Variants in NAALADL2 observed in about 807,000 individuals in gnomAD.
NAALADL2 encodes N-acetylated alpha-linked acidic dipeptidase like 2, also known as inactive N-acetylated-alpha-linked acidic dipeptidase-like protein 2.
In NAALADL2, 76 loss-of-function variants were observed where a neutral mutation model predicts 87.2. That is an observed-to-expected ratio of 0.87 (90% CI 0.72 to 1.05). NAALADL2 has a LOEUF of 1.05. Ranked by LOEUF, NAALADL2 falls within the 50% of genes least tolerant of loss-of-function variation. The pLI, the probability that NAALADL2 is intolerant of heterozygous loss-of-function variation, is 0.00. For missense variants in NAALADL2, 1,089 were observed against 945.8 expected, an observed-to-expected ratio of 1.15 and a Z score of -1.99; for synonymous variants, 354 against 331.0, an observed-to-expected ratio of 1.07 and a Z score of -0.75.
At chr3:174,812,506 A>G (rs1460440124) in intron 3 of NAALADL2, among the ~76,000 whole-genome samples, 1 of 152,230 alleles carries the variant, frequency 6.6e-6, no homozygotes, top group East Asian at 1.9e-4. Flanking sequence ...TGTATTTAAT[A>G]TACTATACTT....
chr3:175,357,620 T>C (rs1764534133), intron 5 of NAALADL2, among the ~76,000 whole-genome samples: 1 of 152,162 alleles, frequency 6.6e-6, no homozygotes, highest in Non-Finnish European at 1.5e-5. Flanking sequence ...AAATTTCTAA[T>C]ACAATATATG....
chr3:175,790,193 A>C (rs922138581), intron 13 of NAALADL2, among the ~76,000 whole-genome samples: 2 of 151,934 alleles, frequency 1.3e-5, no homozygotes. Flanking sequence ...ATTACTATCA[A>C]TCAATAAAAT....
At chr3:174,999,470 A>G (rs1057042373) in intron 1 of NAALADL2, among the ~76,000 whole-genome samples, 10 of 152,100 alleles carry the variant, frequency 6.6e-5, no homozygotes, top group Non-Finnish European at 1.2e-4. Context: ...GTGTACTCCA[A>G]TTTACTGAAG....
intron 1 of NAALADL2, among the ~76,000 whole-genome samples, chr3:174,944,251 G>A (rs1453883409): frequency 6.6e-6 from 1 of 152,122 alleles, no homozygotes; most frequent in East Asian, 1.9e-4. Flanking sequence ...CGATTAGGAG[G>A]TCCCACCCAG....
At chr3:175,035,130 C>G (rs921086175) in intron 1 of NAALADL2, among the ~76,000 whole-genome samples, 7 of 152,164 alleles carry the variant, frequency 4.6e-5, no homozygotes, top group Non-Finnish European at 1.0e-4. Flanking sequence ...TTGCCATACT[C>G]AACTGGATCT....
intron 2 of NAALADL2, among the ~76,000 whole-genome samples, chr3:175,146,638 C>T (rs990408649): frequency 6.6e-6 from 1 of 152,026 alleles, no homozygotes; most frequent in Admixed American, 6.6e-5. Flanking sequence ...GCTTCAATCA[C>T]ATGAACTAAG....
intron 5 of NAALADL2, among the ~76,000 whole-genome samples, chr3:175,377,112 A>T (rs1767224409): frequency 6.6e-6 from 1 of 152,132 alleles, no homozygotes; most frequent in South Asian, 2.1e-4. Flanking sequence ...CAGGAGTTCA[A>T]ACCCTCCCTG....
At chr3:174,926,972 A>C (rs1055933772) in intron 1 of NAALADL2, among the ~76,000 whole-genome samples, 2 of 151,612 alleles carry the variant, frequency 1.3e-5, no homozygotes, top group African/African-American at 2.4e-5. Flanking sequence ...TCTCACATGC[A>C]GAGACATACA....
At chr3:174,496,165 C>T (rs1039641683) in intron 1 of NAALADL2, among the ~76,000 whole-genome samples, 15 of 152,074 alleles carry the variant, frequency 9.9e-5, no homozygotes, top group African/African-American at 3.1e-4. Flanking sequence ...ATTGAGCATC[C>T]GTCACTATTT....
At chr3:175,593,172 C>G (rs1372885174) in intron 10 of NAALADL2, among the ~76,000 whole-genome samples, 1 of 152,066 alleles carries the variant, frequency 6.6e-6, no homozygotes, top group African/African-American at 2.4e-5. Flanking sequence ...CCACTGCCCC[C>G]TCAAAAGCCC....
intron 5 of NAALADL2, among the ~76,000 whole-genome samples, chr3:175,363,296 A>G (rs1481449663): frequency 6.8e-6 from 1 of 147,478 alleles, no homozygotes; most frequent in African/African-American, 2.5e-5. Flanking sequence ...TGTTTTCTTT[A>G]TGTACAATGT....
chr3:175,244,869 G>C (rs1747672655), intron 3 of NAALADL2, among the ~76,000 whole-genome samples: 1 of 152,084 alleles, frequency 6.6e-6, no homozygotes, highest in Non-Finnish European at 1.5e-5. Flanking sequence ...TGTCAGCATT[G>C]AAAGTTTTCT....
At chr3:174,521,825 G>A (rs763574542) in intron 1 of NAALADL2, among the ~76,000 whole-genome samples, 1 of 152,100 alleles carries the variant, frequency 6.6e-6, no homozygotes, top group African/African-American at 2.4e-5. Flanking sequence ...AAAATTATCT[G>A]CTGGATACAT....
At chr3:174,809,103 A>G (rs995514622) in intron 3 of NAALADL2, among the ~76,000 whole-genome samples, 1 of 152,204 alleles carries the variant, frequency 6.6e-6, no homozygotes, top group African/African-American at 2.4e-5. Context: ...CAAATTAGTA[A>G]TATAAATTTT....
chr3:175,074,321 A>T (rs1716197367), intron 1 of NAALADL2, among the ~76,000 whole-genome samples: 1 of 152,058 alleles, frequency 6.6e-6, no homozygotes, highest in South Asian at 2.1e-4. Flanking sequence ...ATATTTGGTG[A>T]TATGTAAGTT....
chr3:175,374,353 A>G (rs1766853627), intron 5 of NAALADL2, among the ~76,000 whole-genome samples: 1 of 151,616 alleles, frequency 6.6e-6, no homozygotes, highest in Admixed American at 6.6e-5. Context: ...CAGGAGTTCA[A>G]GACCAGCTTG....
intron 6 of NAALADL2, among the ~76,000 whole-genome samples, chr3:175,462,954 TAGTG>T (rs947551940): frequency 8.5e-5 from 13 of 152,222 alleles, no homozygotes; most frequent in Admixed American, 6.5e-4. Flanking sequence ...GTTAATAAAA[TAGTG>T]AGTCATACTG....
At chr3:174,852,768 C>G (rs1202482538) in intron 3 of NAALADL2, among the ~76,000 whole-genome samples, 4 of 152,010 alleles carry the variant, frequency 2.6e-5, no homozygotes, top group Non-Finnish European at 5.9e-5. Flanking sequence ...CTATCCTGAT[C>G]AGAAAGAACA....
chr3:174,965,232 T>C (rs996382554), intron 1 of NAALADL2, among the ~76,000 whole-genome samples: 2 of 152,096 alleles, frequency 1.3e-5, no homozygotes, highest in African/African-American at 4.8e-5. Flanking sequence ...GAGGCCACAA[T>C]TCCTTGCACC....
Sources: gnomAD v4.1 joint callset for allele counts (sites outside exome capture counted in the v4.1 genomes callset) on GRCh38, gnomAD v4.1.1 for gene constraint, MANE v1.5 for transcripts, NCBI Gene and HGNC (gene_info 2026-07-23, HGNC 2026-07-21) for gene names.